KCNH8: variants seen among roughly 807,000 people sequenced by gnomAD.
KCNH8 encodes potassium voltage-gated channel subfamily H member 8, also known as voltage-gated delayed rectifier potassium channel KCNH8.
Under a neutral mutation model 103.6 loss-of-function variants are expected in KCNH8, and 70 were observed. That is an observed-to-expected ratio of 0.68 (90% CI 0.56 to 0.82). KCNH8 has a LOEUF of 0.82. Among genes scored for constraint, KCNH8 ranks in the 40% least tolerant of loss-of-function variants. The pLI is 0.00. For synonymous variants in KCNH8, 498 were observed against 489.4 expected, an observed-to-expected ratio of 1.02 and a Z score of -0.23; for missense variants, 1,217 against 1,329.9, an observed-to-expected ratio of 0.92 and a Z score of 1.32.
intron 1 of KCNH8, among the ~76,000 whole-genome samples, chr3:19,175,784 G>A (rs77480887): frequency 0.062 from 9,458 of 152,124 alleles, 1,028 homozygotes; most frequent in African/African-American, 0.21. Flanking sequence ...TGTTGATCAT[G>A]TATTTATTCA....
intron 5 of KCNH8, among the ~76,000 whole-genome samples, chr3:19,349,665 C>T (rs1262499987): frequency 5.9e-5 from 9 of 152,074 alleles, no homozygotes; most frequent in Non-Finnish European, 1.0e-4. Flanking sequence ...ACCACATGTT[C>T]ATTAGCAGAT....
At chr3:19,264,365 T>C (rs1367105007) in intron 2 of KCNH8, among the ~76,000 whole-genome samples, 4 of 152,126 alleles carry the variant, frequency 2.6e-5, no homozygotes, top group Non-Finnish European at 5.9e-5. Context: ...GTCTTTCTTT[T>C]CTTCTTTTCG....
At chr3:19,279,280 G>C (rs942127317) in intron 2 of KCNH8, among the ~76,000 whole-genome samples, 1 of 152,070 alleles carries the variant, frequency 6.6e-6, no homozygotes, top group African/African-American at 2.4e-5. Flanking sequence ...CTATGGGTAT[G>C]GCTCATTTAT....
intron 1 of KCNH8, among the ~76,000 whole-genome samples, chr3:19,238,791 A>G (rs1466508665): frequency 6.6e-6 from 1 of 152,214 alleles, no homozygotes; most frequent in Admixed American, 6.5e-5. Context: ...TTTGTTGAAA[A>G]TTATAGAATT....
In KCNH8 at chr3:19,260,493, T is replaced by G. The variant is rs1388826516; in HGVS notation, c.310+6606T>G. On this transcript the variant is annotated intron_variant, in intron 2 of 15. Coordinates refer to ENST00000328405, the MANE Select transcript of KCNH8 (RefSeq NM_144633.3). ...TATATGTATTACTCTATAGGATATATATATATATATATATATATATATATA... is the reference window on the plus strand; with the variant it reads ...TATATGTATTACTCTATAGGATATAGATATATATATATATATATATATATA... 3.3e-3 allele frequency among the ~76,000 whole-genome samples: 130 copies of G among 38,970 alleles called. 3 individuals are homozygous for G. The highest frequency in any genetic ancestry group is 4.6e-3 in the Admixed American group (19 of 4,100). 25.6% of individuals were successfully genotyped at this position (38,970 alleles called of 152,430 possible).
At chr3:19,257,566 A>C (rs1423554067) in intron 2 of KCNH8, among the ~76,000 whole-genome samples, 1 of 152,078 alleles carries the variant, frequency 6.6e-6, no homozygotes, top group African/African-American at 2.4e-5. Context: ...TACCAGCCTT[A>C]GCTTTTATAT....
In KCNH8 at chr3:19,456,700, G is replaced by A. The variant is rs572425300; in HGVS notation, c.1826-68G>A. On this transcript the variant is annotated intron_variant, in intron 10 of 15. Transcript: ENST00000328405. ...TCTCACTGAAAAATGAAGCCTGTAAGTCAAATGAGGTTATCAGTCCTAAGC... is the reference window on the plus strand; with the variant it reads ...TCTCACTGAAAAATGAAGCCTGTAAATCAAATGAGGTTATCAGTCCTAAGC... The A allele has an allele frequency of 5.9e-6, 6 of 1,009,030 alleles. No individual in the cohort carries two copies. The African/African-American group carries it at 6.5e-5, about 11-fold the overall frequency. The allele number at this position is 1,009,030 out of a possible 1,614,324, so 62.5% of individuals were successfully genotyped here. A position where few individuals can be genotyped will look rare whatever the true frequency, so the allele number is the denominator to read the frequency against.
At chr3:19,235,683 A>C (rs1431058159) in intron 1 of KCNH8, among the ~76,000 whole-genome samples, 1 of 152,170 alleles carries the variant, frequency 6.6e-6, no homozygotes, top group Admixed American at 6.5e-5. Flanking sequence ...ATACTAACAA[A>C]TTAGTGGATT....
chr3:19,507,741 C>A (rs570338717), intron 11 of KCNH8, among the ~76,000 whole-genome samples: 1 of 152,104 alleles, frequency 6.6e-6, no homozygotes, highest in Non-Finnish European at 1.5e-5. Context: ...TTCCACAGGG[C>A]AGCTGCATTG....
At chr3:19,225,960 A>T (rs9827701) in intron 1 of KCNH8, among the ~76,000 whole-genome samples, 1 of 152,174 alleles carries the variant, frequency 6.6e-6, no homozygotes, top group Non-Finnish European at 1.5e-5. Context: ...TATGAATTCA[A>T]TGTTTATGAA....
chr3:19,288,070 A>C (rs1352523172), intron 3 of KCNH8, among the ~76,000 whole-genome samples: 3 of 151,642 alleles, frequency 2.0e-5, no homozygotes, highest in Non-Finnish European at 2.9e-5. Flanking sequence ...CTGTATAGTC[A>C]GATTTTCCTG....
At chr3:19,501,452 A>C (rs569315898) in intron 11 of KCNH8, among the ~76,000 whole-genome samples, 1 of 152,332 alleles carries the variant, frequency 6.6e-6, no homozygotes, top group East Asian at 1.9e-4. Context: ...CTGATACCAA[A>C]GCCGGGCAGA....
Position 19,148,603 on chromosome 3 carries a change from A to C in KCNH8, c.-117A>C. ...ACTTCCCCTGCTCGGCCCCGCCGTCAGGCCGGGTCCCCCTTCCCTGCCGTC... is the reference window on the plus strand; with the variant it reads ...ACTTCCCCTGCTCGGCCCCGCCGTCCGGCCGGGTCCCCCTTCCCTGCCGTC... On this transcript the variant is annotated 5_prime_UTR_variant, in exon 1 of 16. Transcript: ENST00000328405. 3.1e-6 allele frequency: 3 copies of C among 962,804 alleles called. No homozygotes were observed. Among genetic ancestry groups the C allele is most frequent in the Non-Finnish European group, 5.1e-6 (3 of 591,508 alleles). The allele number at this position is 962,804 out of a possible 1,614,324, so 59.6% of individuals were successfully genotyped here.
intron 5 of KCNH8, among the ~76,000 whole-genome samples, chr3:19,355,405 A>T (rs897254987): frequency 5.9e-5 from 9 of 152,226 alleles, no homozygotes; most frequent in Non-Finnish European, 1.3e-4. Flanking sequence ...AGGATTATAA[A>T]TCATGCTGCT....
chr3:19,275,404 G>C (rs543369040), intron 2 of KCNH8, among the ~76,000 whole-genome samples: 5 of 151,848 alleles, frequency 3.3e-5, no homozygotes, highest in African/African-American at 1.2e-4. Context: ...CCCCCACGCT[G>C]CCCTCCACTG....
intron 1 of KCNH8, among the ~76,000 whole-genome samples, chr3:19,164,772 G>A (rs143349375): frequency 8.7e-4 from 132 of 152,318 alleles, no homozygotes; most frequent in Non-Finnish European, 1.7e-3. Flanking sequence ...TTTATAAACA[G>A]TATTTAGTAG....
chr3:19,153,635 CTTTT>C (rs773828081), intron 1 of KCNH8, among the ~76,000 whole-genome samples: 1 of 128,912 alleles, frequency 7.8e-6, no homozygotes. Context: ...TTTCTTTTTT[CTTTT>C]TTTTTTTTTT....
intron 3 of KCNH8, among the ~76,000 whole-genome samples, chr3:19,285,190 T>C (rs2064814736): frequency 1.3e-5 from 2 of 152,018 alleles, no homozygotes; most frequent in Admixed American, 1.3e-4. Flanking sequence ...ATTTAAAATT[T>C]AATGTAAGTT....
At chr3:19,214,690 A>C (rs2063802323) in intron 1 of KCNH8, among the ~76,000 whole-genome samples, 1 of 152,198 alleles carries the variant, frequency 6.6e-6, no homozygotes, top group Non-Finnish European at 1.5e-5. Context: ...AACTGGGTAT[A>C]TCCTAGCCTT....
Sources: gnomAD v4.1 joint callset for allele counts (sites outside exome capture counted in the v4.1 genomes callset) on GRCh38, gnomAD v4.1.1 for gene constraint, MANE v1.5 for transcripts, NCBI Gene and HGNC (gene_info 2026-07-23, HGNC 2026-07-21) for gene names.